Variants in SEC23IP observed in about 807,000 individuals in gnomAD.
SEC23IP encodes SEC23 interacting protein, also known as SEC23-interacting protein.
A neutral mutation model predicts 113.4 loss-of-function variants in SEC23IP; 70 were observed. The ratio of observed to expected loss-of-function variants is 0.62; its 90% CI spans 0.51 to 0.75. The LOEUF (loss-of-function observed/expected upper bound fraction) is 0.75. Among genes scored for constraint, SEC23IP ranks in the 30% least tolerant of loss-of-function variants. The probability of loss-of-function intolerance (pLI) is 0.00; values close to 1 mark genes in which losing one functional copy is unlikely to be tolerated. For missense variants in SEC23IP, 1,160 were observed against 1,204.9 expected (o/e 0.96, Z 0.55); for synonymous variants, 398 against 421.0 (o/e 0.95, Z 0.67).
intron 15 of SEC23IP, among the ~76,000 whole-genome samples, chr10:119,931,911 T>C (rs1336279259): frequency 1.3e-5 from 2 of 148,274 alleles, no homozygotes; most frequent in Non-Finnish European, 3.0e-5. Flanking sequence ...ATTTATAGAT[T>C]TTTGCTGGAT....
At chr10:119,897,643 A>G (rs1051655120) in intron 1 of SEC23IP, among the ~76,000 whole-genome samples, 1 of 152,234 alleles carries the variant, frequency 6.6e-6, no homozygotes, top group Admixed American at 6.5e-5. Context: ...AAATAAAAAT[A>G]TATGTATTTG....
chr10:119,922,583 G>A (rs1464035975), intron 12 of SEC23IP, among the ~76,000 whole-genome samples: 2 of 152,088 alleles, frequency 1.3e-5, no homozygotes, highest in Non-Finnish European at 2.9e-5. Flanking sequence ...AAGTGGAGGC[G>A]GCTGCAATCT....
intron 5 of SEC23IP, among the ~76,000 whole-genome samples, chr10:119,910,751 C>T (rs1854829664): frequency 1.3e-5 from 2 of 152,058 alleles, no homozygotes; most frequent in East Asian, 1.9e-4. Context: ...TGGCCAATCA[C>T]AACTCGCTGC....
chr10:119,913,551 C>T (rs535921061), intron 6 of SEC23IP, among the ~76,000 whole-genome samples: 226 of 528 alleles, frequency 0.43, 2 homozygotes, highest in South Asian at 0.5. Flanking sequence ...AGTGCAGTGG[C>T]GTGATCTGGG....
intron 1 of SEC23IP, 129 bp downstream of exon 1, chr10:119,893,074 G>A: frequency 9.4e-7 from 1 of 1,068,490 alleles, no homozygotes; most frequent in Non-Finnish European, 1.3e-6. Context: ...ATCATTACTG[G>A]CCAGGTTTGA....
chr10:119,898,848 C>T lies in SEC23IP; in HGVS notation c.585C>T (p.Tyr195=), dbSNP rs1467554673. The T allele has an allele frequency of 2.5e-6, 4 of 1,612,810 alleles. No homozygotes were observed. Among genetic ancestry groups the T allele is most frequent in the South Asian group, 2.2e-5 (2 of 91,092 alleles). ...HTPGSSRANP[Y]IAPPQLQQCQ... ...CTGGCAGCAGCAGGGCTAATCCTTACATTGCACCACCCCAGCTGCAGCAGT... is the reference window on the plus strand; with the variant it reads ...CTGGCAGCAGCAGGGCTAATCCTTATATTGCACCACCCCAGCTGCAGCAGT... Residue 195 remains tyrosine, a synonymous_variant, in exon 2 of 19, where the codon TAC becomes TAT. Transcript: ENST00000369075.
intron 5 of SEC23IP, 108 bp from the exon 6 acceptor site, chr10:119,911,935 AT>A: frequency 3.0e-6 from 4 of 1,344,246 alleles, no homozygotes; most frequent in Non-Finnish European, 4.1e-6. Context: ...CTAATAATTT[AT>A]AAACTCTCCG....
chr10:119,929,538 A>G (rs1855525733), intron 13 of SEC23IP, 69 bp from the exon 14 acceptor site: 15 of 1,433,884 alleles, frequency 1.0e-5, no homozygotes, highest in Non-Finnish European at 1.3e-5. Context: ...CCGGCCTGAA[A>G]ATTCAAAAGA....
intron 12 of SEC23IP, among the ~76,000 whole-genome samples, chr10:119,922,958 A>G (rs918265425): frequency 6.6e-6 from 1 of 152,010 alleles, no homozygotes; most frequent in Non-Finnish European, 1.5e-5. Context: ...CTCCATACAG[A>G]AAAATGCTTG....
At position 119,944,146 on chromosome 10, in the gene SEC23IP, G is replaced by A. The variant is rs1856023866; in HGVS notation, c.*3581G>A. On this transcript the variant is annotated 3_prime_UTR_variant, in exon 19 of 19. Transcript: ENST00000369075. ...GTGTCAGGGGAGGGACCTGGTGGGAGGTGATTGGATCATGGGGGCTGTTTC... is the reference window on the plus strand; with the variant it reads ...GTGTCAGGGGAGGGACCTGGTGGGAAGTGATTGGATCATGGGGGCTGTTTC... 6.6e-6 allele frequency: 1 copy of A among 152,190 alleles called. No individual in the cohort carries two copies. Among genetic ancestry groups the A allele is most frequent in the Admixed American group, 6.5e-5 (1 of 15,284 alleles). 9.4% of individuals were successfully genotyped at this position (152,190 alleles called of 1,614,324 possible).
chr10:119,913,241 T>C (rs965773763), intron 6 of SEC23IP, among the ~76,000 whole-genome samples: 6 of 73,260 alleles, frequency 8.2e-5, no homozygotes, highest in Non-Finnish European at 1.3e-4. Context: ...TTCTAAAATA[T>C]GTTTTGTTGT....
chr10:119,932,401 C>G, intron 16 of SEC23IP, 83 bp downstream of exon 16: 1 of 1,051,318 alleles, frequency 9.5e-7, no homozygotes. Context: ...GATGCATTTC[C>G]TTTCTAGACT....
intron 12 of SEC23IP, among the ~76,000 whole-genome samples, chr10:119,921,911 T>C (rs1291014046): frequency 6.6e-6 from 1 of 152,114 alleles, no homozygotes; most frequent in Non-Finnish European, 1.5e-5. Context: ...TTTCTTTATA[T>C]GGGAAATGAC....
chr10:119,914,547 A>T (rs1322875546), intron 6 of SEC23IP, 183 bp from the exon 7 acceptor site: 2 of 557,136 alleles, frequency 3.6e-6, no homozygotes, highest in Non-Finnish European at 6.4e-6. Flanking sequence ...GTTCGCTTTT[A>T]TATGCCAAGA....
chr10:119,901,149 A>G (rs189375134), intron 2 of SEC23IP, among the ~76,000 whole-genome samples: 5 of 151,550 alleles, frequency 3.3e-5, no homozygotes, highest in African/African-American at 9.7e-5. Context: ...CTGGGACTAC[A>G]AGTGTGCCCC....
At chr10:119,915,578 C>T (rs1206346117) in intron 7 of SEC23IP, among the ~76,000 whole-genome samples, 170 bp from the exon 8 acceptor site, 2 of 152,128 alleles carry the variant, frequency 1.3e-5, no homozygotes, top group Non-Finnish European at 1.5e-5. Context: ...CCAAAAGTTA[C>T]TTATTCCTTT....
Position 119,902,899 on chromosome 10 carries a change from A to G in SEC23IP, c.797A>G (p.Tyr266Cys). Residue 266 changes from tyrosine to cysteine, a missense_variant, in exon 3 of 19, where the codon TAT (tyrosine) becomes TGT (cysteine). Transcript: ENST00000369075. ...VPSPFLLQNQ[Y>C]EPVQPHWFYC... Reference sequence around the variant, plus strand: ...TCTCCTTTTCTACTTCAAAACCAATATGAGCCTGTTCAGCCCCACTGGTTT... The same window carrying G: ...TCTCCTTTTCTACTTCAAAACCAATGTGAGCCTGTTCAGCCCCACTGGTTT... 2 of 1,614,146 alleles carry G rather than the reference A, an allele frequency of 1.2e-6. No homozygotes were observed. Among genetic ancestry groups the G allele is most frequent in the South Asian group, 1.1e-5 (1 of 91,082 alleles).
At chr10:119,905,911 G>A (rs1260382783) in intron 4 of SEC23IP, among the ~76,000 whole-genome samples, 2 of 152,102 alleles carry the variant, frequency 1.3e-5, no homozygotes, top group African/African-American at 4.8e-5. Context: ...TACAGGCAAT[G>A]TAGGAAAAAA....
chr10:119,907,966 T>C (rs958457387), intron 4 of SEC23IP, among the ~76,000 whole-genome samples: 1 of 152,008 alleles, frequency 6.6e-6, no homozygotes, highest in African/African-American at 2.4e-5. Context: ...AAATAAAAAA[T>C]AAAAATTACA....
Sources: allele counts gnomAD v4.1 joint callset (sites outside exome capture counted in the v4.1 genomes callset), GRCh38; gene constraint gnomAD v4.1.1; transcripts MANE v1.5; gene names NCBI Gene and HGNC (gene_info 2026-07-23, HGNC 2026-07-21).